The following LUZP2 variants were observed in gnomAD, a reference collection of about 807,000 sequenced individuals.
The protein encoded by LUZP2 is leucine zipper protein 2.
A neutral mutation model predicts 51.6 loss-of-function variants in LUZP2; 52 were observed. That is an observed-to-expected ratio of 1.01 (90% confidence interval 0.81 to 1.27). LUZP2 has a LOEUF of 1.27. Ranked by LOEUF, LUZP2 falls within the 50% of genes most tolerant of loss-of-function variation. The probability of loss-of-function intolerance (pLI) is 0.00; values close to 1 mark genes in which losing one functional copy is unlikely to be tolerated. For missense variants in LUZP2, 436 were observed against 395.4 expected (o/e 1.10, Z -0.87); for synonymous variants, 154 against 137.3 (o/e 1.12, Z -0.85).
intron 5 of LUZP2, among the ~76,000 whole-genome samples, chr11:24,888,096 C>T (rs1028180016): frequency 5.3e-5 from 8 of 152,182 alleles, no homozygotes; most frequent in Non-Finnish European, 1.2e-4. Context: ...GGTCCCAGAT[C>T]ATTACTTTCA....
intron 1 of LUZP2, among the ~76,000 whole-genome samples, chr11:24,563,638 A>G (rs1488709418): frequency 1.3e-5 from 2 of 152,080 alleles, no homozygotes; most frequent in African/African-American, 4.8e-5. Context: ...GTTAACATGG[A>G]TTCCTGGTTG....
intron 4 of LUZP2, among the ~76,000 whole-genome samples, chr11:24,750,514 C>A (rs1378354375): frequency 6.6e-6 from 1 of 152,140 alleles, no homozygotes; most frequent in African/African-American, 2.4e-5. Context: ...AATATAGAAT[C>A]ATCATTATAA....
At chr11:24,811,758 G>C (rs1364357900) in intron 5 of LUZP2, among the ~76,000 whole-genome samples, 2 of 151,946 alleles carry the variant, frequency 1.3e-5, no homozygotes, top group Non-Finnish European at 2.9e-5. Context: ...AAACTATCTT[G>C]TCCTGCCTAG....
intron 5 of LUZP2, among the ~76,000 whole-genome samples, chr11:24,896,086 A>C (rs1312839217): frequency 6.6e-6 from 1 of 152,156 alleles, no homozygotes; most frequent in Non-Finnish European, 1.5e-5. Context: ...TTCTCTGAAG[A>C]TTAGTGATGT....
chr11:24,807,996 T>C (rs2134130158), intron 5 of LUZP2, among the ~76,000 whole-genome samples: 1 of 152,286 alleles, frequency 6.6e-6, no homozygotes, highest in South Asian at 2.1e-4. Flanking sequence ...GGTGTGATTC[T>C]GTAGGAGACT....
At chr11:24,742,057 T>TTTTATATATG (rs571183533) in intron 4 of LUZP2, among the ~76,000 whole-genome samples, 1 of 116,328 alleles carries the variant, frequency 8.6e-6, no homozygotes, top group East Asian at 2.2e-4. Context: ...ATAAATATAA[T>TTTTATATATG]TATATATATA....
chr11:24,784,711 T>C (rs558106599), intron 5 of LUZP2, among the ~76,000 whole-genome samples: 3 of 152,150 alleles, frequency 2.0e-5, no homozygotes, highest in East Asian at 3.9e-4. Flanking sequence ...GGTGACAATA[T>C]GAAAGGAATG....
chr11:24,534,627 A>C (rs1317461345), intron 1 of LUZP2, among the ~76,000 whole-genome samples: 1 of 151,430 alleles, frequency 6.6e-6, no homozygotes, highest in African/African-American at 2.4e-5. Flanking sequence ...AATATTGAAT[A>C]TGTTTCTAAA....
intron 5 of LUZP2, among the ~76,000 whole-genome samples, chr11:24,765,321 G>C (rs1245157005): frequency 6.6e-6 from 1 of 152,116 alleles, no homozygotes; most frequent in Non-Finnish European, 1.5e-5. Flanking sequence ...ACAGTGGTGA[G>C]GGAGATAAAA....
intron 5 of LUZP2, among the ~76,000 whole-genome samples, chr11:24,797,061 C>G (rs1013749252): frequency 6.6e-6 from 1 of 152,062 alleles, no homozygotes; most frequent in Admixed American, 6.6e-5. Context: ...TCAAATACTG[C>G]CAGCCTCAAT....
chr11:24,652,771 T>C (rs1366272943), intron 1 of LUZP2, among the ~76,000 whole-genome samples: 1 of 152,090 alleles, frequency 6.6e-6, no homozygotes, highest in Non-Finnish European at 1.5e-5. Context: ...TCGTAGTAAA[T>C]ATTTATGTTT....
At chr11:24,626,124 C>T (rs183048268) in intron 1 of LUZP2, among the ~76,000 whole-genome samples, 142 of 152,140 alleles carry the variant, frequency 9.3e-4, no homozygotes, top group African/African-American at 3.0e-3. Flanking sequence ...AGTCAATTTC[C>T]ATGAAGTGCC....
At chr11:24,764,036 GATA>G (rs1378442234) in intron 5 of LUZP2, among the ~76,000 whole-genome samples, 2 of 152,104 alleles carry the variant, frequency 1.3e-5, no homozygotes, top group African/African-American at 2.4e-5. Context: ...GGGTATAATG[GATA>G]ATATTTATTT....
intron 7 of LUZP2, among the ~76,000 whole-genome samples, chr11:24,936,240 T>A (rs1379582958): frequency 1.3e-5 from 2 of 152,180 alleles, no homozygotes; most frequent in African/African-American, 4.8e-5. Flanking sequence ...TGGTATAAAC[T>A]GGGAGTCTTT....
At chr11:24,857,278 T>G (rs1180941327) in intron 5 of LUZP2, among the ~76,000 whole-genome samples, 1 of 94,630 alleles carries the variant, frequency 1.1e-5, no homozygotes, top group Non-Finnish European at 2.0e-5. Context: ...TGGGGATATA[T>G]ATATATATAT....
chr11:24,883,429 C>A (rs1852554851), intron 5 of LUZP2, among the ~76,000 whole-genome samples: 1 of 151,960 alleles, frequency 6.6e-6, no homozygotes, highest in Non-Finnish European at 1.5e-5. Context: ...TGAGCATATT[C>A]TTCTTACTGC....
intron 9 of LUZP2, among the ~76,000 whole-genome samples, chr11:25,038,993 G>A (rs3937638): frequency 0.38 from 57,753 of 151,986 alleles, 13,332 homozygotes; most frequent in East Asian, 0.77. Flanking sequence ...GCTCTTAGCC[G>A]CACAGCATCT....
intron 1 of LUZP2, among the ~76,000 whole-genome samples, chr11:24,712,704 T>G (rs534680818): frequency 6.6e-6 from 1 of 152,162 alleles, no homozygotes. Context: ...TTACCATATT[T>G]GGGGCATAAT....
intron 7 of LUZP2, among the ~76,000 whole-genome samples, chr11:24,967,804 G>T (rs184773891): frequency 1.3e-5 from 2 of 152,036 alleles, no homozygotes; most frequent in South Asian, 2.1e-4. Context: ...TTTAATAGCT[G>T]CCTTAAAGTG....
Sources: gnomAD v4.1 joint callset for allele counts (sites outside exome capture counted in the v4.1 genomes callset) on GRCh38, gnomAD v4.1.1 for gene constraint, MANE v1.5 for transcripts, NCBI Gene and HGNC (gene_info 2026-07-23, HGNC 2026-07-21) for gene names.